Variants in GRIP1 observed in about 807,000 individuals in gnomAD.
GRIP1 encodes glutamate receptor interacting protein 1, also known as glutamate receptor-interacting protein 1.
In GRIP1, 45 loss-of-function variants were observed where a neutral mutation model predicts 129.9. The ratio of observed to expected loss-of-function variants is 0.35; its 90% confidence interval spans 0.27 to 0.44. The LOEUF (loss-of-function observed/expected upper bound fraction) is 0.44, where lower values mean the gene tolerates loss of function less well. GRIP1 is among the 20% of genes least tolerant of loss of function. The pLI, the probability that GRIP1 is intolerant of heterozygous loss-of-function variation, is 1.00. For synonymous variants in GRIP1, 530 were observed against 520.8 expected, an observed-to-expected ratio of 1.02 and a Z score of -0.24; for missense variants, 1,196 against 1,396.8, an observed-to-expected ratio of 0.86 and a Z score of 2.29.
At chr12:66,576,862 T>TTCATAAGAATAA (rs1368726536) in intron 2 of GRIP1, among the ~76,000 whole-genome samples, 1 of 152,202 alleles carries the variant, frequency 6.6e-6, no homozygotes, top group Non-Finnish European at 1.5e-5. Context: ...TTAAGAGTGA[T>TTCATAAGAATAA]TCATAAGAAT....
chr12:66,873,222 C>T (rs999514651), intron 1 of GRIP1, among the ~76,000 whole-genome samples: 1 of 151,960 alleles, frequency 6.6e-6, no homozygotes, highest in African/African-American at 2.4e-5. Flanking sequence ...GTGATAATAC[C>T]AGCATACTTC....
At chr12:66,385,366 T>C (rs931257488) in intron 19 of GRIP1, among the ~76,000 whole-genome samples, 1 of 151,852 alleles carries the variant, frequency 6.6e-6, no homozygotes, top group African/African-American at 2.4e-5. Flanking sequence ...CGAAACACCA[T>C]CTCTACTAAA....
At chr12:66,567,040 T>G (rs7980394) in intron 2 of GRIP1, among the ~76,000 whole-genome samples, 62,174 of 151,886 alleles carry the variant, frequency 0.41, 12,895 homozygotes, top group African/African-American at 0.45. Flanking sequence ...TCTTGCTAGC[T>G]GTCTATCAAT....
intron 1 of GRIP1, among the ~76,000 whole-genome samples, chr12:66,886,521 A>G (rs1305353608): frequency 6.6e-6 from 1 of 152,046 alleles, no homozygotes; most frequent in Non-Finnish European, 1.5e-5. Context: ...AGCAAATCTA[A>G]CTGAGCCGTT....
chr12:66,743,565 A>G (rs908633079), intron 1 of GRIP1, among the ~76,000 whole-genome samples: 1 of 148,560 alleles, frequency 6.7e-6, no homozygotes, highest in Admixed American at 6.8e-5. Context: ...AGTTGAATCA[A>G]TGATGTCCAT....
intron 1 of GRIP1, among the ~76,000 whole-genome samples, chr12:66,705,148 C>T (rs2035482858): frequency 6.6e-6 from 1 of 151,964 alleles, no homozygotes; most frequent in African/African-American, 2.4e-5. Flanking sequence ...CCCTAAGATT[C>T]CATGACAATT....
At chr12:66,442,906 A>T (rs1206356360) in intron 13 of GRIP1, among the ~76,000 whole-genome samples, 3 of 152,302 alleles carry the variant, frequency 2.0e-5, no homozygotes, top group East Asian at 3.9e-4. Flanking sequence ...TAAGCTTTTT[A>T]AAAAATATAA....
At chr12:66,607,197 A>G (rs1454170016) in intron 1 of GRIP1, among the ~76,000 whole-genome samples, 4 of 152,176 alleles carry the variant, frequency 2.6e-5, no homozygotes, top group Non-Finnish European at 5.9e-5. Context: ...ACCTCACCCA[A>G]TTTTTAGACA....
Position 66,371,763 on chromosome 12 carries a change from T to G in GRIP1, c.2943A>C (p.Ser981=). The G allele has an allele frequency of 6.2e-7, 1 of 1,614,190 alleles. No homozygotes were observed. The stretch of plus-strand genomic sequence containing the variant: ...CTTGTTTCATTTTTCTCAGGGTTAC[T>G]GACTTCCTACCCACATCTGAAGGCA... The part of the protein sequence containing the change: ...NTLPSDVGRK[S]VTLRKMKQEI... Residue 981 remains serine, a synonymous_variant, in exon 23 of 25, where the codon TCA becomes TCC. Transcript: ENST00000359742.
chr12:66,749,841 G>T (rs1411010817), intron 1 of GRIP1, among the ~76,000 whole-genome samples: 1 of 152,154 alleles, frequency 6.6e-6, no homozygotes, highest in African/African-American at 2.4e-5. Context: ...CATAGAAGGA[G>T]CCTGGCTCCC....
chr12:66,845,317 C>T lies in GRIP1; in HGVS notation c.58+223733G>A, dbSNP rs567583917. On this transcript the variant is annotated intron_variant, in intron 1 of 1. Transcript: ENST00000643019. ...ACTAAAAATACAAAAATTAGCCAGG[C>T]GTGGTGGCACATGCCTGTAGTCCCA... Among the ~76,000 whole-genome samples, 8 of 152,094 alleles carry T rather than the reference C, an allele frequency of 5.3e-5. 1 individual carries two copies. The South Asian group carries it at 1.7e-3, about 32-fold the overall frequency.
intron 15 of GRIP1, among the ~76,000 whole-genome samples, chr12:66,410,249 C>CAAAAAAA (rs1177155122): frequency 1.3e-4 from 6 of 47,430 alleles, no homozygotes; most frequent in Admixed American, 3.7e-4. Flanking sequence ...GACTCCGTCT[C>CAAAAAAA]AAAAAAAAAA....
chr12:66,938,940 G>A lies in GRIP1; in HGVS notation c.58+130110C>T, dbSNP rs755461018. On this transcript the variant is annotated intron_variant, in intron 1 of 1. Transcript: ENST00000643019. ...CCATTGCACTCCCACCTGGGCAATA[G>A]AGCAAGACTGTCTCAAAAGAAAAAA... Among the ~76,000 whole-genome samples the A allele has an allele frequency of 3.3e-5, 5 of 151,924 alleles. No homozygotes were observed. The South Asian group carries it at 8.3e-4, about 25-fold the overall frequency.
chr12:66,884,409 A>G (rs894457921), intron 1 of GRIP1, among the ~76,000 whole-genome samples: 2 of 152,174 alleles, frequency 1.3e-5, no homozygotes, highest in African/African-American at 4.8e-5. Flanking sequence ...AAACGAGACT[A>G]TTACTCTCTA....
At chr12:66,758,057 A>G (rs1160570801) in intron 1 of GRIP1, among the ~76,000 whole-genome samples, 1 of 152,104 alleles carries the variant, frequency 6.6e-6, no homozygotes, top group African/African-American at 2.4e-5. Flanking sequence ...AAATCTGTGA[A>G]AAAAACAACA....
At chr12:67,067,852 C>T (rs1198681948) in intron 1 of GRIP1, among the ~76,000 whole-genome samples, 1 of 152,160 alleles carries the variant, frequency 6.6e-6, no homozygotes, top group South Asian at 2.1e-4. Context: ...CCAGACTGGC[C>T]GGCCTCCTCT....
chr12:66,575,068 G>A (rs12424354), intron 2 of GRIP1, among the ~76,000 whole-genome samples: 37,113 of 151,764 alleles, frequency 0.24, 4,629 homozygotes, highest in Admixed American at 0.28. Flanking sequence ...CACCGTGCCC[G>A]GCCTCCATTC....
chr12:66,639,741 A>T (rs981598061), intron 1 of GRIP1, among the ~76,000 whole-genome samples: 1 of 152,238 alleles, frequency 6.6e-6, no homozygotes, highest in Non-Finnish European at 1.5e-5. Flanking sequence ...GTTGTAAAAA[A>T]CATCTGCTTC....
At chr12:66,582,935 G>C in intron 2 of GRIP1, among the ~76,000 whole-genome samples, 1 of 150,224 alleles carries the variant, frequency 6.7e-6, no homozygotes, top group Non-Finnish European at 1.5e-5. Flanking sequence ...CCAAAAAAGA[G>C]CCCGCATCGC....
Sources: allele counts gnomAD v4.1 joint callset (sites outside exome capture counted in the v4.1 genomes callset), GRCh38; gene constraint gnomAD v4.1.1; transcripts MANE v1.5; gene names NCBI Gene and HGNC (gene_info 2026-07-23, HGNC 2026-07-21).